RBFOX1: variants seen among roughly 807,000 people sequenced by gnomAD.
RBFOX1 encodes RNA binding protein fox-1 homolog 1.
Under a neutral mutation model 57.7 loss-of-function variants are expected in RBFOX1, and 8 were observed. That is an observed-to-expected ratio of 0.14 (90% CI 0.08 to 0.25). RBFOX1 has a LOEUF of 0.25. Among genes scored for constraint, RBFOX1 ranks in the 10% least tolerant of loss-of-function variants. The pLI is 1.00. For synonymous variants in RBFOX1, 326 were observed against 222.4 expected (o/e 1.47, Z -4.15); for missense variants, 611 against 548.5 (o/e 1.11, Z -1.14).
At chr16:6,634,163 A>G (rs17140823) in intron 2 of RBFOX1, among the ~76,000 whole-genome samples, 4,211 of 152,332 alleles carry the variant, frequency 0.028, 209 homozygotes, top group African/African-American at 0.096. Context: ...ATGGAGGTTC[A>G]GAATGGGTAG....
At chr16:6,921,718 T>A (rs922406977) in intron 3 of RBFOX1, among the ~76,000 whole-genome samples, 1 of 151,782 alleles carries the variant, frequency 6.6e-6, no homozygotes, top group African/African-American at 2.4e-5. Flanking sequence ...AGTTATACCG[T>A]GATAATGTTC....
chr16:5,893,640 C>T (rs1288579326), intron 4 of RBFOX1, among the ~76,000 whole-genome samples: 1 of 152,032 alleles, frequency 6.6e-6, no homozygotes, highest in African/African-American at 2.4e-5. Context: ...AACCCCGTCT[C>T]CACTAAAAAT....
chr16:5,709,540 G>A (rs964002665), intron 3 of RBFOX1, among the ~76,000 whole-genome samples: 3 of 151,578 alleles, frequency 2.0e-5, no homozygotes, highest in Non-Finnish European at 4.4e-5. Context: ...TGTATGTGTC[G>A]ATTATGACAT....
intron 4 of RBFOX1, among the ~76,000 whole-genome samples, chr16:7,499,477 TAAGAC>T (rs59175694): frequency 0.11 from 17,293 of 152,062 alleles, 1,014 homozygotes; most frequent in East Asian, 0.21. Flanking sequence ...AATTTGAAAA[TAAGAC>T]AATTCAACCA....
intron 4 of RBFOX1, among the ~76,000 whole-genome samples, chr16:7,196,444 C>T (rs112165151): frequency 1.3e-5 from 2 of 152,186 alleles, no homozygotes; most frequent in African/African-American, 4.8e-5. Flanking sequence ...CAGACCATTG[C>T]CAACACTGAT....
intron 4 of RBFOX1, among the ~76,000 whole-genome samples, chr16:7,296,894 G>C (rs754075308): frequency 6.6e-6 from 1 of 152,168 alleles, no homozygotes; most frequent in African/African-American, 2.4e-5. Flanking sequence ...CTCTGCCCCT[G>C]AGTCCTGTGT....
intron 1 of RBFOX1, among the ~76,000 whole-genome samples, chr16:5,464,364 A>T (rs2068889237): frequency 6.6e-6 from 1 of 152,224 alleles, no homozygotes; most frequent in South Asian, 2.1e-4. Flanking sequence ...GGTTGTTTGC[A>T]TTCCTAGGAT....
intron 2 of RBFOX1, among the ~76,000 whole-genome samples, chr16:5,561,985 T>C (rs868718804): frequency 2.0e-5 from 3 of 152,178 alleles, no homozygotes; most frequent in Non-Finnish European, 2.9e-5. Flanking sequence ...ATTTATTCGC[T>C]CATCCAATAT....
At chr16:6,442,357 A>T (rs2153028953) in intron 2 of RBFOX1, among the ~76,000 whole-genome samples, 1 of 152,228 alleles carries the variant, frequency 6.6e-6, no homozygotes, top group Middle Eastern at 3.4e-3. Context: ...AGAGATTGAG[A>T]CCATCCAGAC....
intron 2 of RBFOX1, among the ~76,000 whole-genome samples, chr16:6,460,952 C>G (rs1430077239): frequency 6.6e-6 from 1 of 151,996 alleles, no homozygotes; most frequent in Non-Finnish European, 1.5e-5. Flanking sequence ...ATGTCCTTTG[C>G]AAGGTCATGG....
intron 2 of RBFOX1, among the ~76,000 whole-genome samples, chr16:6,584,408 C>T (rs1490929967): frequency 6.7e-6 from 1 of 149,814 alleles, no homozygotes; most frequent in South Asian, 2.1e-4. Flanking sequence ...TGCTCTTTCA[C>T]CCAGGCTAGA....
intron 1 of RBFOX1, among the ~76,000 whole-genome samples, chr16:6,106,471 AT>A (rs1167439389): frequency 3.3e-5 from 5 of 150,174 alleles, no homozygotes; most frequent in Non-Finnish European, 5.9e-5. Flanking sequence ...TGTCTCAAAA[AT>A]AAAAAAAAAA....
chr16:6,210,383 AAGGAAGG>A (rs2097288262), intron 1 of RBFOX1, among the ~76,000 whole-genome samples: 2 of 144,510 alleles, frequency 1.4e-5, no homozygotes, highest in African/African-American at 2.5e-5. Context: ...AAAAAAGAGA[AAGGAAGG>A]AAGGAAAGAA....
chr16:7,428,425 C>T (rs1362932779), intron 4 of RBFOX1, among the ~76,000 whole-genome samples: 1 of 140,924 alleles, frequency 7.1e-6, no homozygotes, highest in Admixed American at 7.8e-5. Context: ...CTCCTGGGTT[C>T]TAGTGATTCT....
At chr16:5,768,541 G>A (rs1016944812) in intron 3 of RBFOX1, among the ~76,000 whole-genome samples, 3 of 151,982 alleles carry the variant, frequency 2.0e-5, no homozygotes, top group African/African-American at 7.2e-5. Flanking sequence ...CAGTGTTTTC[G>A]GCCCACATGA....
chr16:7,246,622 AT>A (rs1424133183), intron 4 of RBFOX1, among the ~76,000 whole-genome samples: 1 of 131,322 alleles, frequency 7.6e-6, no homozygotes, highest in Non-Finnish European at 1.6e-5. Context: ...GTCAGACTGT[AT>A]GGTCACCTCC....
intron 3 of RBFOX1, among the ~76,000 whole-genome samples, chr16:6,923,060 C>T (rs752101958): frequency 6.6e-6 from 1 of 152,280 alleles, no homozygotes; most frequent in South Asian, 2.1e-4. Flanking sequence ...GCTGTTTATA[C>T]AAGAGCTGTT....
At chr16:7,431,973 C>A (rs994041083) in intron 4 of RBFOX1, among the ~76,000 whole-genome samples, 2 of 152,238 alleles carry the variant, frequency 1.3e-5, no homozygotes, top group Admixed American at 6.5e-5. Flanking sequence ...GGATGCCAAG[C>A]ATTCCCACCA....
chr16:6,928,600 C>T (rs1294087261), intron 3 of RBFOX1, among the ~76,000 whole-genome samples: 1 of 152,164 alleles, frequency 6.6e-6, no homozygotes, highest in Non-Finnish European at 1.5e-5. Flanking sequence ...ATGTGTCTTA[C>T]AGTTACCCTG....
Sources: allele counts gnomAD v4.1 joint callset (sites outside exome capture counted in the v4.1 genomes callset), GRCh38; gene constraint gnomAD v4.1.1; transcripts MANE v1.5; gene names NCBI Gene and HGNC (gene_info 2026-07-23, HGNC 2026-07-21).